The following DNAH8 variants were observed in gnomAD, a reference collection of about 807,000 sequenced individuals.
DNAH8 encodes the protein axonemal beta dynein heavy chain 8.
Under a neutral mutation model 562.1 loss-of-function variants are expected in DNAH8, and 382 were observed. That is an observed-to-expected ratio of 0.68 (90% confidence interval 0.63 to 0.74). The LOEUF (loss-of-function observed/expected upper bound fraction) is 0.74, where lower values mean the gene tolerates loss of function less well. DNAH8 is among the 30% of genes least tolerant of loss of function. The probability of loss-of-function intolerance (pLI) is 0.00; values close to 1 mark genes in which losing one functional copy is unlikely to be tolerated. For missense variants in DNAH8, 5,203 were observed against 5,620.4 expected (o/e 0.93, Z 2.37); for synonymous variants, 1,881 against 1,919.4 (o/e 0.98, Z 0.52).
At position 38,906,377 on chromosome 6, in the gene DNAH8, A is replaced by C. The variant is rs1444848780; in HGVS notation, c.9318A>C (p.Glu3106Asp). 1.2e-6 allele frequency: 2 copies of C among 1,609,198 alleles called. No individual in the cohort carries two copies. The highest frequency in any genetic ancestry group is 3.3e-5 in the Admixed American group (2 of 59,776). ...DSEIKDEAFL[E>D]YLNNLLSSGE... is the part of the protein sequence containing the mutation. ...AAATAAAAGATGAGGCATTTCTAGA[A>C]TACCTTAACAACTTGCTATCTTCAG... The change falls in exon 63 of 93, where the codon GAA becomes GAC. Residue 3106 changes from glutamate (E) to aspartate (D), a missense_variant. Physicochemically the swap from Glu to Asp is conservative, Grantham distance 45. Around this residue, in one of 6 missense-constraint regions of DNAH8, gnomAD observed 977 missense variants for 1,061.8 expected, o/e 0.92. Coordinates refer to ENST00000327475, the MANE Select transcript of DNAH8 (RefSeq NM_001206927.2).
At chr6:38,933,679 A>G (rs1324154244) in intron 76 of DNAH8, among the ~76,000 whole-genome samples, 3 of 152,252 alleles carry the variant, frequency 2.0e-5, no homozygotes, top group Non-Finnish European at 4.4e-5. Context: ...CTGCAAATAC[A>G]GCAATGCTCT....
intron 75 of DNAH8, 26 bp downstream of exon 75, chr6:38,929,692 A>G (rs374615692): frequency 2.1e-6 from 3 of 1,420,194 alleles, no homozygotes; most frequent in East Asian, 2.5e-5. Flanking sequence ...AAAAAAAAAA[A>G]GAAAGAAAGA....
chr6:38,766,144 T>TGTGTGTGTGC (rs147169685), intron 11 of DNAH8, among the ~76,000 whole-genome samples: 1 of 152,054 alleles, frequency 6.6e-6, no homozygotes, highest in Non-Finnish European at 1.5e-5. Flanking sequence ...TTTGTATGTG[T>TGTGTGTGTGC]GTGTGTGTGT....
In DNAH8 at chr6:38,781,264, C is replaced by T; in HGVS notation, c.2150C>T (p.Ser717Phe). The T allele has an allele frequency of 6.2e-7, 1 of 1,613,684 alleles. No homozygotes were observed. Among genetic ancestry groups the T allele is most frequent in the Non-Finnish European group, 8.5e-7 (1 of 1,179,802 alleles). The stretch of plus-strand genomic sequence containing the variant: ...GATTTTTAATTACAGCTTTATCATT[C>T]TCAGAAAGATGACCCCCCTCTTGCT... ...ELDATKKLYH[S>F]QKDDPPLARN... The change falls in exon 16 of 93, where the codon TCT (serine) becomes TTT (phenylalanine). Residue 717 changes from serine (S) to phenylalanine (F), a missense_variant. Ser to Phe is a radical substitution (Grantham distance 155). Transcript: ENST00000327475.
intron 79 of DNAH8, among the ~76,000 whole-genome samples, chr6:38,942,067 C>A (rs1463507378): frequency 6.6e-6 from 1 of 152,070 alleles, no homozygotes; most frequent in Non-Finnish European, 1.5e-5. Context: ...ATCTATGCAC[C>A]AGGAAATGGG....
intron 3 of DNAH8, among the ~76,000 whole-genome samples, chr6:38,724,460 C>T (rs1039685187): frequency 6.6e-6 from 1 of 152,136 alleles, no homozygotes; most frequent in African/African-American, 2.4e-5. Flanking sequence ...ATGCAAATCA[C>T]TTGTAGAGAA....
chr6:38,944,957 T>G (rs1783740691), intron 79 of DNAH8, among the ~76,000 whole-genome samples: 1 of 151,596 alleles, frequency 6.6e-6, no homozygotes, highest in South Asian at 2.1e-4. Flanking sequence ...TCCTTAACCC[T>G]AACCCCAACC....
chr6:38,782,490 G>A (rs903570335), intron 16 of DNAH8, among the ~76,000 whole-genome samples: 2 of 152,038 alleles, frequency 1.3e-5, no homozygotes, highest in African/African-American at 4.8e-5. Context: ...CTATGTTGGC[G>A]AGGCAGGTCT....
intron 41 of DNAH8, 134 bp downstream of exon 41, chr6:38,853,481 AT>A: frequency 2.1e-6 from 2 of 959,220 alleles, no homozygotes; most frequent in South Asian, 1.6e-5. Flanking sequence ...ACTCACACTC[AT>A]TTTAGCCTCA....
chr6:38,766,918 G>T (rs1767061194), intron 11 of DNAH8, among the ~76,000 whole-genome samples: 1 of 151,986 alleles, frequency 6.6e-6, no homozygotes, highest in African/African-American at 2.4e-5. Context: ...CATCTGTTAA[G>T]CATCTAGGAT....
chr6:38,722,773 TAGGTTTCGA>T lies in DNAH8; in HGVS notation c.-34_-26del. 1 of 1,522,492 alleles carries T rather than the reference TAGGTTTCGA, an allele frequency of 6.6e-7. No homozygotes were observed. The highest frequency in any genetic ancestry group is 8.8e-7 in the Non-Finnish European group (1 of 1,136,792). 94.3% of individuals were successfully genotyped at this position (1,522,492 alleles called of 1,614,324 possible). ...TTTAAACGAACCTATGTTATAATTC[TAGGTTTCGA>T]AGTATAAAGCATTCCGCACGACGGG... On this transcript the variant is annotated splice_acceptor_variant and 5_prime_UTR_variant, in exon 2 of 93. Transcript: ENST00000327475. LOFTEE classifies it low-confidence loss of function (5UTR_SPLICE).
Position 38,826,405 on chromosome 6 carries a change from G to C in DNAH8, c.4083+14G>C, listed in dbSNP as rs1019215581. On this transcript the variant is annotated intron_variant, in intron 29 of 92. Coordinates refer to ENST00000327475, the MANE Select transcript of DNAH8 (RefSeq NM_001206927.2). ...GGACCAATTGAAGTAAGAAATGATT[G>C]CATTTTTTTTTCTTGGAATGCTTTT... is the stretch of plus-strand genomic sequence containing the variant. 2.0e-6 allele frequency: 3 copies of C among 1,518,592 alleles called. No homozygotes were observed. The highest frequency in any genetic ancestry group is 2.7e-6 in the Non-Finnish European group (3 of 1,119,682). 94.1% of individuals were successfully genotyped at this position (1,518,592 alleles called of 1,614,324 possible). A position where few individuals can be genotyped will look rare whatever the true frequency, so the allele number is the denominator to read the frequency against.
intron 48 of DNAH8, among the ~76,000 whole-genome samples, chr6:38,868,860 T>G (rs1444264360): frequency 1.3e-5 from 2 of 151,900 alleles, no homozygotes; most frequent in Admixed American, 1.3e-4. Context: ...TTTGTAGAGA[T>G]AGGGTTTTGC....
chr6:38,883,926 AC>A lies in DNAH8; in HGVS notation c.8189del (p.Pro2730GlnfsTer6). On this transcript the variant is annotated frameshift_variant, in exon 56 of 93. Transcript: ENST00000327475. LOFTEE classifies it high-confidence loss of function. ...DKRIGSTYGP[P>X]GGRKMTVFID... is the part of the protein sequence containing the mutation. The stretch of plus-strand genomic sequence containing the variant: ...AGCGAATTGGAAGCACATATGGGCC[AC>A]CAGGAGGGAGAAAAATGACTGTATT... The A allele has an allele frequency of 6.3e-7, 1 of 1,593,522 alleles. No individual in the cohort carries two copies.
chr6:38,761,131 T>G (rs1425301303), intron 10 of DNAH8, among the ~76,000 whole-genome samples: 2 of 150,856 alleles, frequency 1.3e-5, no homozygotes, highest in East Asian at 3.9e-4. Context: ...TTATTATACT[T>G]TCAGTTTTAG....
Position 38,929,677 on chromosome 6 carries a change from T to TAAAA in DNAH8, c.11274+23_11274+26dup, listed in dbSNP as rs376615002. On this transcript the variant is annotated intron_variant, in intron 75 of 92. Coordinates refer to ENST00000327475, the MANE Select transcript of DNAH8 (RefSeq NM_001206927.2). ...GGCACCACTTTCAAGGTGAGCTTTG[T>TAAAA]AAAAAAAAAAAAAAAGAAAGAAAGA... is the stretch of plus-strand genomic sequence containing the variant. 518 of 1,098,686 alleles carry TAAAA rather than the reference T, an allele frequency of 4.7e-4. 2 individuals are homozygous for TAAAA. The East Asian group carries it at 4.8e-3, about 10-fold the overall frequency. The allele number at this position is 1,098,686 out of a possible 1,614,324, so 68.1% of individuals were successfully genotyped here.
In DNAH8 at chr6:38,853,395, AG is replaced by A. The variant is rs775771045; in HGVS notation, c.5733+52del. 8.2e-6 allele frequency: 13 copies of A among 1,590,956 alleles called. No individual in the cohort carries two copies. In the South Asian group the frequency reaches 1.4e-4, roughly 17 times the overall value. On this transcript the variant is annotated intron_variant, in intron 41 of 92. Coordinates refer to ENST00000327475, the MANE Select transcript of DNAH8 (RefSeq NM_001206927.2). The stretch of plus-strand genomic sequence containing the variant: ...TAATGGTGAAAAGAAATGGAAATAA[AG>A]GGGAAGGATGCTTAGCAGGTGGTTG...
chr6:38,946,765 G>T (rs2150619883), intron 80 of DNAH8, among the ~76,000 whole-genome samples: 2 of 152,164 alleles, frequency 1.3e-5, no homozygotes, highest in East Asian at 1.9e-4. Context: ...AGCCGAAATT[G>T]CACCGTTGCA....
rs548774502 is a variant in DNAH8 at position 38,933,987 on chromosome 6, G to C, written c.11458-1605G>C. On this transcript the variant is annotated intron_variant, in intron 76 of 92. Transcript: ENST00000327475. ...CAATAATACAAAAATGAATAGGAAA[G>C]CTTATGTATCTGTTTTCTAGATGCA... Among the ~76,000 whole-genome samples the C allele has an allele frequency of 2.0e-5, 3 of 152,306 alleles. No homozygotes were observed. In the East Asian group the frequency reaches 5.8e-4, roughly 29 times the overall value.
Sources: gnomAD v4.1 joint callset for allele counts (sites outside exome capture counted in the v4.1 genomes callset) on GRCh38, gnomAD v4.1.1 for gene constraint, gnomAD v4.1.1 regional missense constraint, MANE v1.5 for transcripts, NCBI Gene and HGNC (gene_info 2026-07-23, HGNC 2026-07-21) for gene names.